PTGIS: variants seen among roughly 807,000 people sequenced by gnomAD.
PTGIS encodes prostacyclin synthase.
PTGIS carries 45 observed loss-of-function variants against 50.3 expected under a neutral mutation model. The observed-to-expected ratio is 0.90, with a 90% CI of 0.70 to 1.15. The LOEUF (loss-of-function observed/expected upper bound fraction) is 1.15, where lower values mean the gene tolerates loss of function less well. Ranked by LOEUF, PTGIS falls within the 50% of genes most tolerant of loss-of-function variation. The pLI is 0.00. For missense variants in PTGIS, 668 were observed against 661.3 expected (o/e 1.01, Z -0.11); for synonymous variants, 260 against 267.7 (o/e 0.97, Z 0.28).
At chr20:49,537,111 C>G (rs371158893) in intron 5 of PTGIS, among the ~76,000 whole-genome samples, 2 of 152,352 alleles carry the variant, frequency 1.3e-5, no homozygotes, top group African/African-American at 4.8e-5. Context: ...CCAGCCTTCT[C>G]AGGACACTTG....
At chr20:49,564,499 C>A (rs1481047576) in intron 1 of PTGIS, among the ~76,000 whole-genome samples, 1 of 152,146 alleles carries the variant, frequency 6.6e-6, no homozygotes, top group African/African-American at 2.4e-5. Context: ...GATCGGCCCG[C>A]CTCAGCCTCC....
rs1271052642 is a variant in PTGIS at position 49,507,734 on chromosome 20, T to C, written c.*186A>G. 1.3e-6 allele frequency: 1 copy of C among 778,130 alleles called. No individual in the cohort carries two copies. The highest frequency in any genetic ancestry group is 2.1e-6 in the Non-Finnish European group (1 of 481,288). The allele number at this position is 778,130 out of a possible 1,614,324, so 48.2% of individuals were successfully genotyped here. A position where few individuals can be genotyped will look rare whatever the true frequency, so the allele number is the denominator to read the frequency against. Reference sequence around the variant, plus strand: ...AGTGGATAATCCATAGAGCTTTCAATGTCTTTTCTTTGTTCACCCTCTTAG... The same window carrying C: ...AGTGGATAATCCATAGAGCTTTCAACGTCTTTTCTTTGTTCACCCTCTTAG... On this transcript the variant is annotated 3_prime_UTR_variant, in exon 10 of 10. Coordinates refer to ENST00000244043, the MANE Select transcript of PTGIS (RefSeq NM_000961.4).
chr20:49,539,190 G>A (rs1354692535), intron 5 of PTGIS, among the ~76,000 whole-genome samples: 1 of 152,206 alleles, frequency 6.6e-6, no homozygotes, highest in African/African-American at 2.4e-5. Flanking sequence ...TGGGGAGAAA[G>A]TGGAGCGCTC....
chr20:49,544,760 AC>A (rs1251427875), intron 3 of PTGIS, among the ~76,000 whole-genome samples: 1 of 152,232 alleles, frequency 6.6e-6, no homozygotes, highest in Non-Finnish European at 1.5e-5. Flanking sequence ...CCAAGGTCAC[AC>A]AGCCAAAGCG....
At chr20:49,511,581 G>T (rs975295312) in intron 8 of PTGIS, among the ~76,000 whole-genome samples, 4 of 152,150 alleles carry the variant, frequency 2.6e-5, no homozygotes, top group Admixed American at 2.6e-4. Context: ...TTACATTTAA[G>T]TATATATTTC....
At chr20:49,549,005 T>C (rs1019585452) in intron 2 of PTGIS, among the ~76,000 whole-genome samples, 2 of 152,062 alleles carry the variant, frequency 1.3e-5, no homozygotes, top group African/African-American at 4.8e-5. Flanking sequence ...TGGGTGGTGG[T>C]CGTTTGAATA....
intron 6 of PTGIS, among the ~76,000 whole-genome samples, chr20:49,516,115 G>A (rs901784388): frequency 1.3e-5 from 2 of 150,256 alleles, no homozygotes; most frequent in African/African-American, 2.5e-5. Flanking sequence ...TCCTGGCCTC[G>A]AGCAGTCCTC....
intron 1 of PTGIS, among the ~76,000 whole-genome samples, chr20:49,565,058 T>A (rs1387963670): frequency 6.8e-6 from 1 of 147,050 alleles, no homozygotes; most frequent in East Asian, 2.2e-4. Context: ...GCAACCTCCA[T>A]CTCCCGGCTT....
In PTGIS at chr20:49,504,899, C is replaced by CAGATCACGAGCTCAGG. The variant is rs1981101256; in HGVS notation, c.*3005_*3020dup. The CAGATCACGAGCTCAGG allele has an allele frequency of 6.6e-6, 1 of 151,892 alleles. No individual in the cohort carries two copies. The highest frequency in any genetic ancestry group is 6.6e-5 in the Admixed American group (1 of 15,260). 9.4% of individuals were successfully genotyped at this position (151,892 alleles called of 1,614,324 possible). ...CAGCACTTTGGGAGGCCGAGGCGGG[C>CAGATCACGAGCTCAGG]AGATCACGAGCTCAGGAGATCAAGA... On this transcript the variant is annotated 3_prime_UTR_variant, in exon 10 of 10. Transcript: ENST00000244043.
intron 1 of PTGIS, among the ~76,000 whole-genome samples, chr20:49,556,532 T>G (rs1982625549): frequency 6.6e-6 from 1 of 152,204 alleles, no homozygotes; most frequent in Non-Finnish European, 1.5e-5. Context: ...AGATTCCTTA[T>G]GGAAAAGCTT....
At chr20:49,523,342 AAG>A (rs551622097) in intron 6 of PTGIS, among the ~76,000 whole-genome samples, 46 of 151,994 alleles carry the variant, frequency 3.0e-4, no homozygotes, top group African/African-American at 9.2e-4. Flanking sequence ...AAGAGAGCAT[AAG>A]AGAGAGAGAG....
At chr20:49,533,754 C>G (rs1357196779) in intron 5 of PTGIS, among the ~76,000 whole-genome samples, 1 of 152,046 alleles carries the variant, frequency 6.6e-6, no homozygotes, top group Non-Finnish European at 1.5e-5. Flanking sequence ...GTCAGGAGTT[C>G]AAAACCAGCC....
chr20:49,552,928 T>C (rs1036398247), intron 1 of PTGIS, among the ~76,000 whole-genome samples: 1 of 152,068 alleles, frequency 6.6e-6, no homozygotes, highest in African/African-American at 2.4e-5. Flanking sequence ...ATATGTCCTG[T>C]ATATAATGTT....
In PTGIS at chr20:49,534,070, C is replaced by A. The variant is rs1982006448; in HGVS notation, c.673+5500G>T. On this transcript the variant is annotated intron_variant, in intron 5 of 9. Transcript: ENST00000244043. ...TTGTAACAGTAGATTTCATTCACTA[C>A]CAGTATGTCCCACTCTGTTTTAGAT... Among the ~76,000 whole-genome samples the A allele has an allele frequency of 2.6e-5, 4 of 152,098 alleles. No homozygotes were observed. The South Asian group carries it at 8.3e-4, about 32-fold the overall frequency.
At chr20:49,532,770 G>A (rs1164263309) in intron 5 of PTGIS, among the ~76,000 whole-genome samples, 1 of 152,206 alleles carries the variant, frequency 6.6e-6, no homozygotes, top group African/African-American at 2.4e-5. Context: ...TTTCTAACGA[G>A]ATGACCTTGG....
chr20:49,554,582 G>C (rs1416059538), intron 1 of PTGIS, among the ~76,000 whole-genome samples: 1 of 152,100 alleles, frequency 6.6e-6, no homozygotes, highest in East Asian at 1.9e-4. Flanking sequence ...CTGCATTTGT[G>C]AGACATGGAG....
At chr20:49,542,265 G>A (rs942527416) in intron 4 of PTGIS, among the ~76,000 whole-genome samples, 5 of 152,156 alleles carry the variant, frequency 3.3e-5, no homozygotes, top group Non-Finnish European at 5.9e-5. Flanking sequence ...CTCACAGTTC[G>A]GGCTGCCTGA....
chr20:49,524,167 C>CG lies in PTGIS; in HGVS notation c.745dup (p.Arg249ProfsTer56). The CG allele has an allele frequency of 1.9e-6, 3 of 1,614,238 alleles. No individual in the cohort carries two copies. The highest frequency in any genetic ancestry group is 2.5e-6 in the Non-Finnish European group (3 of 1,180,046). ...CTCCAGCCATTTGCTCCGGTGGGCC[C>CG]GCCTGGCCAGCCTGGCTGGGGATAG... On this transcript the variant is annotated frameshift_variant, in exon 6 of 10. Coordinates refer to ENST00000244043, the MANE Select transcript of PTGIS (RefSeq NM_000961.4). LOFTEE classifies it high-confidence loss of function.
At position 49,524,108 on chromosome 20, in the gene PTGIS, A is replaced by G. The variant is rs747466331; in HGVS notation, c.805T>C (p.Ser269Pro). The G allele has an allele frequency of 6.2e-7, 1 of 1,614,118 alleles. No individual in the cohort carries two copies. The highest frequency in any genetic ancestry group is 1.3e-5 in the African/African-American group (1 of 75,018). Residue 269 changes from serine to proline, a missense_variant, in exon 6 of 10, where the codon TCA (serine) becomes CCA (proline). Ser to Pro is a moderately conservative substitution (Grantham distance 74, BLOSUM62 -1). Transcript: ENST00000244043. ...AGGGCCCGTGCCTGCATCTCCTCTG[A>G]CACACCCATCTCCTCCAGGTGCAGC... is the stretch of plus-strand genomic sequence containing the variant. ...YLLHLEEMGV[S>P]EEMQARALVL...
Sources: gnomAD v4.1 joint callset for allele counts (sites outside exome capture counted in the v4.1 genomes callset) on GRCh38, gnomAD v4.1.1 for gene constraint, MANE v1.5 for transcripts, NCBI Gene and HGNC (gene_info 2026-07-23, HGNC 2026-07-21) for gene names.